The following ZRANB3 variants were observed in gnomAD, a reference collection of about 807,000 sequenced individuals.
The protein encoded by ZRANB3 is DNA annealing helicase and endonuclease ZRANB3.
A neutral mutation model predicts 133.8 loss-of-function variants in ZRANB3; 125 were observed. That is an observed-to-expected ratio of 0.93 (90% CI 0.81 to 1.08). The LOEUF (loss-of-function observed/expected upper bound fraction) is 1.08. Among genes scored for constraint, ZRANB3 ranks in the 50% least tolerant of loss-of-function variants. The pLI is 0.00. For missense variants in ZRANB3, 1,229 were observed against 1,275.5 expected, an observed-to-expected ratio of 0.96 and a Z score of 0.56; for synonymous variants, 387 against 432.7, an observed-to-expected ratio of 0.89 and a Z score of 1.31.
intron 6 of ZRANB3, among the ~76,000 whole-genome samples, chr2:135,326,497 G>A (rs1683832393): frequency 6.6e-6 from 1 of 151,932 alleles, no homozygotes; most frequent in African/African-American, 2.4e-5. Flanking sequence ...TTTAGTTCCG[G>A]GATACATGTG....
intron 2 of ZRANB3, among the ~76,000 whole-genome samples, chr2:135,395,440 TTC>T (rs1012280946): frequency 9.0e-5 from 12 of 133,972 alleles, no homozygotes; most frequent in African/African-American, 4.4e-4. Context: ...GGGCAAAGAT[TTC>T]TTTTTTTTTT....
intron 2 of ZRANB3, among the ~76,000 whole-genome samples, chr2:135,488,859 A>T (rs968057516): frequency 1.3e-4 from 20 of 150,170 alleles, no homozygotes; most frequent in African/African-American, 4.8e-4. Context: ...TATATAGCAT[A>T]TATGTTTTAT....
intron 2 of ZRANB3, among the ~76,000 whole-genome samples, chr2:135,419,105 T>G (rs1688724836): frequency 6.6e-6 from 1 of 151,392 alleles, no homozygotes; most frequent in African/African-American, 2.4e-5. Flanking sequence ...GTCCGGCTAA[T>G]TTTTTGTATT....
intron 3 of ZRANB3, among the ~76,000 whole-genome samples, chr2:135,387,638 C>T (rs548125056): frequency 1.3e-5 from 2 of 152,026 alleles, no homozygotes; most frequent in Non-Finnish European, 2.9e-5. Flanking sequence ...ACATCATAAA[C>T]CCTGTCAAGT....
chr2:135,345,813 T>C (rs1488285303), intron 5 of ZRANB3, among the ~76,000 whole-genome samples, 178 bp from the exon 6 acceptor site: 3 of 151,608 alleles, frequency 2.0e-5, no homozygotes, highest in Non-Finnish European at 4.4e-5. Context: ...TAAATATACA[T>C]TTATACATCT....
chr2:135,445,565 T>C (rs1248991353), intron 2 of ZRANB3, among the ~76,000 whole-genome samples: 6 of 152,050 alleles, frequency 3.9e-5, no homozygotes, highest in Non-Finnish European at 7.4e-5. Flanking sequence ...GAGTACATAA[T>C]AGGAGGCAAT....
chr2:135,423,604 C>T (rs1373763179), intron 2 of ZRANB3, among the ~76,000 whole-genome samples: 1 of 152,134 alleles, frequency 6.6e-6, no homozygotes, highest in Admixed American at 6.5e-5. Context: ...GACTTCAACA[C>T]ATTTTTTCAG....
intron 3 of ZRANB3, among the ~76,000 whole-genome samples, chr2:135,367,768 A>G (rs1686004501): frequency 6.6e-6 from 1 of 152,140 alleles, no homozygotes; most frequent in South Asian, 2.1e-4. Flanking sequence ...TACTATGACA[A>G]GGTGAAAAAT....
At chr2:135,272,987 T>C (rs560751495) in intron 9 of ZRANB3, among the ~76,000 whole-genome samples, 1 of 151,782 alleles carries the variant, frequency 6.6e-6, no homozygotes, top group South Asian at 2.1e-4. Flanking sequence ...ATCACGACCA[T>C]CCTGGCTAAC....
At position 135,372,524 on chromosome 2, in the gene ZRANB3, G is replaced by A. The variant is rs557205076; in HGVS notation, c.180+18278C>T. ...TTAAAAGGCCAGGTGCTGGCCAGGC[G>A]CGGTGGCTCATGCCTGTAATCCCAG... On this transcript the variant is annotated intron_variant, in intron 3 of 20. Coordinates refer to ENST00000264159, the MANE Select transcript of ZRANB3 (RefSeq NM_032143.4). Among the ~76,000 whole-genome samples the A allele has an allele frequency of 2.6e-4, 39 of 152,146 alleles. 1 individual carries two copies. In the South Asian group the frequency reaches 3.1e-3, roughly 12 times the overall value.
In ZRANB3 at chr2:135,464,137, G is replaced by A. The variant is rs1409902087; in HGVS notation, c.161+40192C>T. ...AAGGTCAATCTTAAAACAAAATTGA[G>A]TTATCATCCATGAAAAGAAAGTGTT... is the stretch of plus-strand genomic sequence containing the variant. On this transcript the variant is annotated intron_variant, in intron 2 of 20. Transcript: ENST00000264159. 2.0e-5 allele frequency among the ~76,000 whole-genome samples: 3 copies of A among 152,126 alleles called. No homozygotes were observed. In the East Asian group the frequency reaches 5.8e-4, roughly 29 times the overall value.
At chr2:135,501,209 T>C (rs569520895) in intron 2 of ZRANB3, among the ~76,000 whole-genome samples, 3 of 152,072 alleles carry the variant, frequency 2.0e-5, no homozygotes, top group East Asian at 3.9e-4. Flanking sequence ...TTCAAACTCA[T>C]AGAAAAGCTA....
chr2:135,436,227 T>A (rs1282707614), intron 2 of ZRANB3, among the ~76,000 whole-genome samples: 1 of 152,204 alleles, frequency 6.6e-6, no homozygotes, highest in Non-Finnish European at 1.5e-5. Flanking sequence ...CAGCACCATT[T>A]ATTGAACAGG....
chr2:135,506,263 G>T (rs1693183766), intron 1 of ZRANB3, among the ~76,000 whole-genome samples: 1 of 152,180 alleles, frequency 6.6e-6, no homozygotes, highest in East Asian at 1.9e-4. Flanking sequence ...GGTGGCACAG[G>T]CCTGTAATCC....
intron 6 of ZRANB3, among the ~76,000 whole-genome samples, chr2:135,328,822 A>G (rs1683979340): frequency 6.6e-6 from 1 of 152,174 alleles, no homozygotes; most frequent in Admixed American, 6.5e-5. Flanking sequence ...AGTGATGATG[A>G]GCATTTTTTC....
At chr2:135,287,312 G>A (rs1485792518) in intron 8 of ZRANB3, among the ~76,000 whole-genome samples, 1 of 152,048 alleles carries the variant, frequency 6.6e-6, no homozygotes, top group South Asian at 2.1e-4. Flanking sequence ...TGCTGTTTTG[G>A]TGACTATAAC....
chr2:135,481,223 TCCCA>T (rs1691788366), intron 2 of ZRANB3, among the ~76,000 whole-genome samples: 1 of 151,132 alleles, frequency 6.6e-6, no homozygotes, highest in East Asian at 2.0e-4. Context: ...TAGTTTACAG[TCCCA>T]CCAACAGTGT....
intron 7 of ZRANB3, among the ~76,000 whole-genome samples, chr2:135,313,951 G>T (rs1174029254): frequency 6.6e-6 from 1 of 152,042 alleles, no homozygotes; most frequent in African/African-American, 2.4e-5. Context: ...TGCAACCTCC[G>T]CCTCCCGGGT....
At chr2:135,509,041 T>TA (rs1559045567) in intron 1 of ZRANB3, among the ~76,000 whole-genome samples, 1 of 151,514 alleles carries the variant, frequency 6.6e-6, no homozygotes, top group African/African-American at 2.4e-5. Context: ...ATACATAATT[T>TA]AAAAAAAAAT....
Sources: allele counts gnomAD v4.1 joint callset (sites outside exome capture counted in the v4.1 genomes callset), GRCh38; gene constraint gnomAD v4.1.1; transcripts MANE v1.5; gene names NCBI Gene and HGNC (gene_info 2026-07-23, HGNC 2026-07-21).